LPIN2: variants seen among roughly 807,000 people sequenced by gnomAD.
The protein encoded by LPIN2 is phosphatidate phosphatase LPIN2.
Under a neutral mutation model 111.4 loss-of-function variants are expected in LPIN2, and 55 were observed. The ratio of observed to expected loss-of-function variants is 0.49; its 90% CI spans 0.40 to 0.62. The LOEUF (loss-of-function observed/expected upper bound fraction) is 0.62. LPIN2 is among the 20% of genes least tolerant of loss of function. LPIN2 has a pLI of 0.00. For synonymous variants in LPIN2, 425 were observed against 414.0 expected, an observed-to-expected ratio of 1.03 and a Z score of -0.32; for missense variants, 992 against 1,112.1, an observed-to-expected ratio of 0.89 and a Z score of 1.54.
At chr18:2,932,938 G>A (rs1245158938) in intron 8 of LPIN2, among the ~76,000 whole-genome samples, 1 of 152,120 alleles carries the variant, frequency 6.6e-6, no homozygotes. Context: ...GTAGGCCAAC[G>A]AGATCAGGAG....
At chr18:2,951,402 A>C (rs994354878) in intron 3 of LPIN2, 46 bp from the exon 4 acceptor site, 2 of 1,461,660 alleles carry the variant, frequency 1.4e-6, no homozygotes, top group African/African-American at 1.4e-5. Flanking sequence ...CAAACTCGAC[A>C]GTGAATTAAA....
intron 4 of LPIN2, among the ~76,000 whole-genome samples, chr18:2,943,047 A>G (rs1270741509): frequency 6.6e-6 from 1 of 152,230 alleles, no homozygotes; most frequent in Non-Finnish European, 1.5e-5. Context: ...ACAACATCAC[A>G]TCTTTCAAAT....
chr18:2,982,866 G>A, intron 1 of LPIN2: 9 of 431,628 alleles, frequency 2.1e-5, no homozygotes, highest in South Asian at 3.8e-5. Context: ...ACTGCTTGCA[G>A]ACACAGTTAT....
intron 2 of LPIN2, among the ~76,000 whole-genome samples, chr18:2,958,975 T>C (rs886521130): frequency 1.4e-4 from 22 of 151,840 alleles, no homozygotes; most frequent in South Asian, 6.2e-4. Context: ...AGTTTTACAA[T>C]AGATCCATAC....
intron 4 of LPIN2, among the ~76,000 whole-genome samples, chr18:2,941,788 G>T (rs970013367): frequency 6.6e-6 from 1 of 152,164 alleles, no homozygotes; most frequent in Non-Finnish European, 1.5e-5. Flanking sequence ...AGCCGGGTGT[G>T]GTGGCGGGCA....
chr18:2,952,361 T>C (rs570624582), intron 3 of LPIN2, among the ~76,000 whole-genome samples: 2 of 151,522 alleles, frequency 1.3e-5, no homozygotes, highest in South Asian at 2.1e-4. Context: ...GAGGGGGAGG[T>C]TGTAGTGAGC....
chr18:2,932,649 G>A (rs1330084874), intron 8 of LPIN2, among the ~76,000 whole-genome samples: 2 of 152,192 alleles, frequency 1.3e-5, no homozygotes, highest in Non-Finnish European at 2.9e-5. Context: ...GGGGCACACG[G>A]CGAGGCCCCC....
intron 16 of LPIN2, 86 bp downstream of exon 16, chr18:2,923,689 G>T: frequency 1.8e-6 from 2 of 1,101,230 alleles, no homozygotes; most frequent in South Asian, 1.2e-5. Context: ...TGACTCATGT[G>T]GACTGAAGAC....
At chr18:2,947,981 G>A (rs2077480590) in intron 4 of LPIN2, among the ~76,000 whole-genome samples, 1 of 152,174 alleles carries the variant, frequency 6.6e-6, no homozygotes, top group African/African-American at 2.4e-5. Flanking sequence ...AACGCCCTGA[G>A]CGATGAAGAG....
At chr18:2,998,528 G>C (rs748152170) in intron 1 of LPIN2, among the ~76,000 whole-genome samples, 30 of 152,034 alleles carry the variant, frequency 2.0e-4, no homozygotes, top group Non-Finnish European at 2.9e-4. Context: ...TGGGGAGGGA[G>C]AAAACAACAA....
At chr18:2,979,851 T>C (rs2078079330) in intron 1 of LPIN2, among the ~76,000 whole-genome samples, 1 of 152,182 alleles carries the variant, frequency 6.6e-6, no homozygotes, top group South Asian at 2.1e-4. Context: ...GGTCCCTCAA[T>C]ATATCCTCTT....
intron 1 of LPIN2, among the ~76,000 whole-genome samples, chr18:3,006,506 C>T (rs777880832): frequency 1.3e-5 from 2 of 152,148 alleles, no homozygotes; most frequent in Non-Finnish European, 2.9e-5. Flanking sequence ...GCCTGGGCAA[C>T]ATAGTGAAGC....
chr18:2,917,033 G>A lies in LPIN2; in HGVS notation c.*3260C>T, dbSNP rs1403660199. 1.3e-5 allele frequency: 2 copies of A among 152,170 alleles called. No individual in the cohort carries two copies. The highest frequency in any genetic ancestry group is 2.9e-5 in the Non-Finnish European group (2 of 68,020). 9.4% of individuals were successfully genotyped at this position (152,170 alleles called of 1,614,324 possible). On this transcript the variant is annotated 3_prime_UTR_variant, in exon 20 of 20. Transcript: ENST00000677752. ...TGTTCGTTTATTGTTGTAACATTTT[G>A]TTTTGAACATCAAACACTGCACCAA...
rs114219586 is a variant in LPIN2 at position 2,939,028 on chromosome 18, G to T, written c.822+452C>A. Among the ~76,000 whole-genome samples the T allele has an allele frequency of 7.4e-3, 1,127 of 152,256 alleles. 19 individuals carry two copies. Among genetic ancestry groups the T allele is most frequent in the African/African-American group, 0.025 (1,052 of 41,540 alleles). ...ACTAAAAAATTAACTGGGTGTGGTA[G>T]CACACACCTGCAGTCTCAGCTACTT... On this transcript the variant is annotated intron_variant, in intron 6 of 19. Transcript: ENST00000677752.
intron 16 of LPIN2, 61 bp from the exon 17 acceptor site, chr18:2,922,260 AC>A: frequency 6.4e-7 from 1 of 1,550,546 alleles, no homozygotes; most frequent in Non-Finnish European, 8.8e-7. Flanking sequence ...AAAACAAAAA[AC>A]AAAAAAAAAA....
At chr18:2,996,826 C>T (rs1299617807) in intron 1 of LPIN2, among the ~76,000 whole-genome samples, 1 of 152,096 alleles carries the variant, frequency 6.6e-6, no homozygotes, top group African/African-American at 2.4e-5. Flanking sequence ...GAATAACAGA[C>T]CCACATCCCA....
At chr18:2,990,605 G>T in intron 1 of LPIN2, 1 of 173,388 alleles carries the variant, frequency 5.8e-6, no homozygotes, top group Non-Finnish European at 1.2e-5. Flanking sequence ...TACCCACTAC[G>T]ATGGCTATAG....
Position 2,921,522 on chromosome 18 carries a change from G to C in LPIN2, c.2442+11C>G, listed in dbSNP as rs577903340. 1.3e-6 allele frequency: 2 copies of C among 1,595,570 alleles called. No homozygotes were observed. Among genetic ancestry groups the C allele is most frequent in the South Asian group, 2.2e-5 (2 of 90,760 alleles). ...ACCCACATCAGAACCCAGAGCCCAG[G>C]AGATACTCACATTTGGACGGTTTCC... On this transcript the variant is annotated intron_variant, in intron 18 of 19. Transcript: ENST00000677752.
intron 1 of LPIN2, among the ~76,000 whole-genome samples, chr18:2,986,354 G>A (rs772145389): frequency 1.3e-5 from 2 of 152,064 alleles, no homozygotes; most frequent in Non-Finnish European, 2.9e-5. Flanking sequence ...CAATTTCACT[G>A]AACTGTGAGT....
Sources: allele counts gnomAD v4.1 joint callset (sites outside exome capture counted in the v4.1 genomes callset), GRCh38; gene constraint gnomAD v4.1.1; transcripts MANE v1.5; gene names NCBI Gene and HGNC (gene_info 2026-07-23, HGNC 2026-07-21).